PCDH7: variants seen among roughly 807,000 people sequenced by gnomAD.
The protein encoded by PCDH7 is protocadherin 7, also known as protocadherin-7.
PCDH7 carries 17 observed loss-of-function variants against 58.9 expected under a neutral mutation model. The ratio of observed to expected loss-of-function variants is 0.29; its 90% confidence interval spans 0.20 to 0.43. The LOEUF is 0.43. Among genes scored for constraint, PCDH7 ranks in the 20% least tolerant of loss-of-function variants. The pLI is 1.00. For missense variants in PCDH7, 1,274 were observed against 1,441.0 expected (o/e 0.88, Z 1.88); for synonymous variants, 664 against 616.4 (o/e 1.08, Z -1.14).
At chr4:31,078,639 ATTTTTTTTTTT>A (rs10709152) in intron 3 of PCDH7, among the ~76,000 whole-genome samples, 4 of 73,564 alleles carry the variant, frequency 5.4e-5, no homozygotes, top group African/African-American at 2.1e-4. Context: ...ACCATGCCCC[ATTTTTTTTTTT>A]TTTTTTTTTT....
chr4:30,920,099 A>C (rs550040557), intron 1 of PCDH7, 54 bp from the exon 2 acceptor site: 2 of 1,271,328 alleles, frequency 1.6e-6, no homozygotes, highest in Non-Finnish European at 1.1e-6. Flanking sequence ...TTTTTAAAAT[A>C]AGATCATTTA....
intron 3 of PCDH7, among the ~76,000 whole-genome samples, chr4:31,036,188 CT>C: frequency 6.6e-6 from 1 of 152,096 alleles, no homozygotes; most frequent in East Asian, 1.9e-4. Context: ...AATTGTAGTT[CT>C]TTTTTTGTAT....
rs949609900 is a variant in PCDH7, at chr4:30,946,028, T to C, written c.288-4092T>C. 2.0e-5 allele frequency among the ~76,000 whole-genome samples: 3 copies of C among 152,164 alleles called. No homozygotes were observed. The East Asian group carries it at 5.8e-4, about 29-fold the overall frequency. On this transcript the variant is annotated intron_variant, in intron 2 of 3. Transcript: ENST00000509759. ...CTAAAGCATGGCCTCCCCTGAGGAA[T>C]ATGCTAGACTATCTATGGTTGCAGA...
rs574300807 is a variant in PCDH7 at position 31,139,394 on chromosome 4, A to G, written c.*8-3079A>G. On this transcript the variant is annotated intron_variant, in intron 3 of 3. Transcript: ENST00000509759. ...GATCAAAATTTAAAACAACAGTACT[A>G]AAGCATAAAATAATGTTCTTAGATG... Among the ~76,000 whole-genome samples, 8 of 152,346 alleles carry G rather than the reference A, an allele frequency of 5.3e-5. No individual in the cohort carries two copies. The East Asian group carries it at 9.6e-4, about 18-fold the overall frequency.
intron 3 of PCDH7, chr4:30,987,525 T>C (rs1400330784): frequency 6.6e-6 from 1 of 152,066 alleles, no homozygotes; most frequent in African/African-American, 2.4e-5. Context: ...TTTTAAATCA[T>C]GAAAATGGCT....
At chr4:30,864,243 A>G (rs1734580284) in intron 1 of PCDH7, among the ~76,000 whole-genome samples, 1 of 152,090 alleles carries the variant, frequency 6.6e-6, no homozygotes, top group Non-Finnish European at 1.5e-5. Flanking sequence ...CAGCACAATA[A>G]CATGTCTCCT....
chr4:30,932,250 T>C (rs1004965935), intron 2 of PCDH7, among the ~76,000 whole-genome samples: 2 of 152,228 alleles, frequency 1.3e-5, no homozygotes, highest in African/African-American at 4.8e-5. Flanking sequence ...ATTTGATGTT[T>C]GCATAGCACC....
At chr4:31,136,930 A>G (rs1443148850) in intron 3 of PCDH7, among the ~76,000 whole-genome samples, 1 of 152,202 alleles carries the variant, frequency 6.6e-6, no homozygotes, top group Non-Finnish European at 1.5e-5. Context: ...TCTCAGCCCT[A>G]TCATATAAAA....
chr4:30,810,616 C>CTTT (rs61597613), intron 1 of PCDH7, among the ~76,000 whole-genome samples: 1 of 140,288 alleles, frequency 7.1e-6, no homozygotes, highest in Admixed American at 7.1e-5. Flanking sequence ...TTCTCATTTT[C>CTTT]TTTTTTTTTT....
At chr4:30,782,551 G>A (rs1419098875) in intron 1 of PCDH7, among the ~76,000 whole-genome samples, 1 of 152,154 alleles carries the variant, frequency 6.6e-6, no homozygotes, top group African/African-American at 2.4e-5. Context: ...TAGATTGATA[G>A]CTGAGGCACC....
intron 3 of PCDH7, among the ~76,000 whole-genome samples, chr4:31,081,985 C>T (rs1711547633): frequency 6.6e-6 from 1 of 152,044 alleles, no homozygotes; most frequent in African/African-American, 2.4e-5. Context: ...GTTGGCCAGG[C>T]TGGTCTTGAA....
intron 3 of PCDH7, among the ~76,000 whole-genome samples, chr4:31,130,714 T>C (rs1467098149): frequency 6.6e-6 from 1 of 152,196 alleles, no homozygotes; most frequent in African/African-American, 2.4e-5. Context: ...CCTCTTCCTG[T>C]TTCTGGAGCA....
chr4:31,061,354 G>A (rs745760963), intron 3 of PCDH7, among the ~76,000 whole-genome samples: 1 of 151,478 alleles, frequency 6.6e-6, no homozygotes, highest in Non-Finnish European at 1.5e-5. Flanking sequence ...CTTTTAAATT[G>A]TATAATGCAT....
At chr4:30,883,184 A>C (rs963240433) in intron 1 of PCDH7, among the ~76,000 whole-genome samples, 1 of 152,222 alleles carries the variant, frequency 6.6e-6, no homozygotes. Context: ...CCACGGAGGT[A>C]ATTCGAGAGA....
intron 3 of PCDH7, among the ~76,000 whole-genome samples, chr4:31,008,760 T>G (rs1026747144): frequency 1.3e-5 from 2 of 152,152 alleles, no homozygotes; most frequent in African/African-American, 4.8e-5. Context: ...TTCTCTTTAT[T>G]TTCTGCAGTT....
chr4:30,956,252 A>G (rs1012320401), intron 3 of PCDH7, among the ~76,000 whole-genome samples: 2 of 151,970 alleles, frequency 1.3e-5, no homozygotes, highest in African/African-American at 2.4e-5. Flanking sequence ...GTGAATTCCA[A>G]TGCTAATGGT....
intron 2 of PCDH7, among the ~76,000 whole-genome samples, chr4:30,927,344 G>T (rs922415490): frequency 6.6e-6 from 1 of 152,008 alleles, no homozygotes; most frequent in African/African-American, 2.4e-5. Flanking sequence ...CCACCACCCC[G>T]TCTGGGAGGT....
chr4:31,063,440 T>C lies in PCDH7; in HGVS notation c.*8-79033T>C, dbSNP rs576928457. Among the ~76,000 whole-genome samples the C allele has an allele frequency of 1.6e-3, 237 of 151,986 alleles. 1 individual carries two copies. The highest frequency in any genetic ancestry group is 3.4e-3 in the Middle Eastern group (1 of 294). ...CAAGGGTTGAGCATGCTATCATACA[T>C]GCTTTTTTAATCTGGGGCCTGACAG... On this transcript the variant is annotated intron_variant, in intron 3 of 3. Transcript: ENST00000509759.
At chr4:30,739,312 C>G (rs1716766844) in intron 1 of PCDH7, among the ~76,000 whole-genome samples, 1 of 151,286 alleles carries the variant, frequency 6.6e-6, no homozygotes, top group Non-Finnish European at 1.5e-5. Flanking sequence ...AGCGAATAGA[C>G]TTTTTCTAAG....
Sources: gnomAD v4.1 joint callset for allele counts (sites outside exome capture counted in the v4.1 genomes callset) on GRCh38, gnomAD v4.1.1 for gene constraint, MANE v1.5 for transcripts, NCBI Gene and HGNC (gene_info 2026-07-23, HGNC 2026-07-21) for gene names.